The following MIS18A variants were observed in gnomAD, a reference collection of about 807,000 sequenced individuals.
MIS18A encodes MIS18 kinetochore protein A, also known as protein Mis18-alpha.
MIS18A carries 14 observed loss-of-function variants against 25.0 expected under a neutral mutation model. The observed-to-expected ratio is 0.56, with a 90% CI of 0.37 to 0.88. The LOEUF (loss-of-function observed/expected upper bound fraction) is 0.88. Ranked by LOEUF, MIS18A falls within the 40% of genes least tolerant of loss-of-function variation. MIS18A has a pLI of 0.00. For missense variants in MIS18A, 292 were observed against 290.8 expected (o/e 1.00, Z -0.03); for synonymous variants, 134 against 118.6 (o/e 1.13, Z -0.84).
At chr21:32,200,137 C>T in the MIS18A span, among the ~76,000 whole-genome samples, 4 of 152,248 alleles carry the variant, frequency 2.6e-5, no homozygotes, top group Non-Finnish European at 4.4e-5. Context: ...CAGCTTCTGT[C>T]GCAACTAGTC....
At chr21:32,237,005 T>C in the MIS18A span, among the ~76,000 whole-genome samples, 2 of 152,112 alleles carry the variant, frequency 1.3e-5, no homozygotes, top group Non-Finnish European at 2.9e-5. Context: ...CTCCATTGGA[T>C]TGTATTACTG....
intron 4 of MIS18A, 59 bp downstream of exon 4, chr21:32,269,648 G>T: frequency 1.0e-6 from 1 of 960,758 alleles, no homozygotes; most frequent in Non-Finnish European, 1.6e-6. Context: ...TTGTGGGGGA[G>T]CACTTCTTCA....
At chr21:32,174,094 A>G in the MIS18A span, among the ~76,000 whole-genome samples, 1 of 150,354 alleles carries the variant, frequency 6.7e-6, no homozygotes, top group Non-Finnish European at 1.5e-5. Flanking sequence ...CCTCCAGAGT[A>G]GCTGGGACTA....
chr21:32,201,501 G>A, the MIS18A span, among the ~76,000 whole-genome samples: 1 of 152,128 alleles, frequency 6.6e-6, no homozygotes, highest in Non-Finnish European at 1.5e-5. Context: ...TGTCCCCCAA[G>A]GCTACAATGA....
At chr21:32,175,904 A>T in the MIS18A span, among the ~76,000 whole-genome samples, 1 of 152,040 alleles carries the variant, frequency 6.6e-6, no homozygotes, top group Non-Finnish European at 1.5e-5. Context: ...TTCTGTTTTA[A>T]TTTTTTTATT....
chr21:32,217,624 C>T, the MIS18A span, among the ~76,000 whole-genome samples: 1 of 152,132 alleles, frequency 6.6e-6, no homozygotes, highest in South Asian at 2.1e-4. Context: ...AGCTCAACAA[C>T]CTTCAGGTAG....
At chr21:32,235,895 T>C in the MIS18A span, among the ~76,000 whole-genome samples, 1 of 152,118 alleles carries the variant, frequency 6.6e-6, no homozygotes, top group Admixed American at 6.5e-5. Flanking sequence ...TCCTGTCTGA[T>C]CTCGGAAGGC....
At chr21:32,184,226 C>T in the MIS18A span, among the ~76,000 whole-genome samples, 11 of 152,204 alleles carry the variant, frequency 7.2e-5, no homozygotes, top group Middle Eastern at 3.2e-3. Flanking sequence ...CCTCCAGACG[C>T]GACTTGCTTG....
At chr21:32,195,397 C>T in the MIS18A span, among the ~76,000 whole-genome samples, 1 of 152,192 alleles carries the variant, frequency 6.6e-6, no homozygotes, top group African/African-American at 2.4e-5. Context: ...CAAGTTCGCA[C>T]ACCTCCTGAA....
At chr21:32,215,788 T>C in the MIS18A span, among the ~76,000 whole-genome samples, 1 of 152,226 alleles carries the variant, frequency 6.6e-6, no homozygotes, top group African/African-American at 2.4e-5. Flanking sequence ...TCTGGTTCTA[T>C]GATTACAGTG....
the MIS18A span, among the ~76,000 whole-genome samples, chr21:32,191,657 A>G: frequency 3.9e-5 from 6 of 152,172 alleles, no homozygotes; most frequent in South Asian, 2.1e-4. Context: ...TAATCCCAGC[A>G]CTTTGGGAGG....
rs1344834725 is a variant in MIS18A at position 32,268,702 on chromosome 21, C to G, written c.*335G>C. The G allele has an allele frequency of 5.7e-6, 1 of 175,338 alleles. No homozygotes were observed. Among genetic ancestry groups the G allele is most frequent in the East Asian group, 1.4e-4 (1 of 7,020 alleles). The allele number at this position is 175,338 out of a possible 1,614,324, so 10.9% of individuals were successfully genotyped here. A position where few individuals can be genotyped will look rare whatever the true frequency, so the allele number is the denominator to read the frequency against. ...CAAAACTCCTAAGTCCCAATTCCAA[C>G]AAGTACCATAAAACGTCTTTAAAAT... On this transcript the variant is annotated 3_prime_UTR_variant, in exon 5 of 5. Transcript: ENST00000290130.
At chr21:32,177,990 C>CTA in the MIS18A span, among the ~76,000 whole-genome samples, 213 of 151,986 alleles carry the variant, frequency 1.4e-3, no homozygotes, top group Middle Eastern at 6.9e-3. Flanking sequence ...TCATGGCTCA[C>CTA]TACAGCCTTG....
At chr21:32,187,012 T>C in the MIS18A span, among the ~76,000 whole-genome samples, 2 of 152,208 alleles carry the variant, frequency 1.3e-5, no homozygotes, top group South Asian at 4.2e-4. Context: ...TAACATGACA[T>C]ATGAATGCTA....
At chr21:32,176,644 A>G in the MIS18A span, among the ~76,000 whole-genome samples, 1 of 152,196 alleles carries the variant, frequency 6.6e-6, no homozygotes, top group Non-Finnish European at 1.5e-5. Context: ...TCAGTTGTCT[A>G]AAGATCCATC....
At chr21:32,160,916 C>T in the MIS18A span, among the ~76,000 whole-genome samples, 1 of 152,190 alleles carries the variant, frequency 6.6e-6, no homozygotes, top group East Asian at 1.9e-4. Flanking sequence ...CAGGCGTGAG[C>T]CCCTGCGCCC....
At chr21:32,162,227 A>G in the MIS18A span, among the ~76,000 whole-genome samples, 2 of 152,058 alleles carry the variant, frequency 1.3e-5, no homozygotes, top group Admixed American at 6.5e-5. Flanking sequence ...TTCCCGCCTC[A>G]AAACTCTCCA....
the MIS18A span, among the ~76,000 whole-genome samples, chr21:32,206,915 T>A: frequency 6.6e-6 from 1 of 152,170 alleles, no homozygotes; most frequent in Non-Finnish European, 1.5e-5. Flanking sequence ...TGGGACCATA[T>A]ACCAGAGGCT....
chr21:32,275,626 A>G (rs1399874661), intron 1 of MIS18A, among the ~76,000 whole-genome samples: 2 of 152,192 alleles, frequency 1.3e-5, no homozygotes, highest in Non-Finnish European at 2.9e-5. Context: ...GGGTGAAGAG[A>G]AATGAAGAAG....
Sources: gnomAD v4.1 joint callset for allele counts (sites outside exome capture counted in the v4.1 genomes callset) on GRCh38, gnomAD v4.1.1 for gene constraint, MANE v1.5 for transcripts, NCBI Gene and HGNC (gene_info 2026-07-23, HGNC 2026-07-21) for gene names.